The following METTL16 variants were observed in gnomAD, a reference collection of about 807,000 sequenced individuals.
METTL16 encodes RNA N(6)-adenosine-methyltransferase METTL16.
METTL16 carries 19 observed loss-of-function variants against 57.9 expected under a neutral mutation model. The ratio of observed to expected loss-of-function variants is 0.33; its 90% CI spans 0.23 to 0.48. METTL16 has a LOEUF of 0.48. Among genes scored for constraint, METTL16 ranks in the 20% least tolerant of loss-of-function variants. The probability of loss-of-function intolerance (pLI) is 0.99; values close to 1 mark genes in which losing one functional copy is unlikely to be tolerated. For missense variants in METTL16, 434 were observed against 691.5 expected, an observed-to-expected ratio of 0.63 and a Z score of 4.18; for synonymous variants, 246 against 255.6, an observed-to-expected ratio of 0.96 and a Z score of 0.36.
chr17:2,473,428 A>T, intron 4 of METTL16, 96 bp downstream of exon 4: 1 of 1,364,066 alleles, frequency 7.3e-7, no homozygotes, highest in Non-Finnish European at 9.8e-7. Context: ...TAAATTACCG[A>T]AGTCTGTGTA....
chr17:2,450,925 C>G (rs2067064112), intron 6 of METTL16, among the ~76,000 whole-genome samples: 1 of 152,016 alleles, frequency 6.6e-6, no homozygotes, highest in Non-Finnish European at 1.5e-5. Flanking sequence ...AATTTAAGAG[C>G]CTCTAAAATC....
At chr17:2,446,450 T>C (rs2066995799) in intron 6 of METTL16, among the ~76,000 whole-genome samples, 1 of 152,168 alleles carries the variant, frequency 6.6e-6, no homozygotes, top group Admixed American at 6.5e-5. Flanking sequence ...AACTAATAAG[T>C]GAGTTCAGCA....
At chr17:2,428,564 A>AAAAAAAAAAAAAAAAC (rs2066840100) in intron 8 of METTL16, among the ~76,000 whole-genome samples, 1 of 31,336 alleles carries the variant, frequency 3.2e-5, no homozygotes, top group Non-Finnish European at 5.0e-5. Flanking sequence ...AAAAAAAAAA[A>AAAAAAAAAAAAAAAAC]ATATATATAT....
chr17:2,461,861 G>C, intron 6 of METTL16, among the ~76,000 whole-genome samples: 1 of 152,108 alleles, frequency 6.6e-6, no homozygotes, highest in East Asian at 1.9e-4. Flanking sequence ...TTACAGGTGT[G>C]AGCCACCGTG....
chr17:2,511,295 A>C (rs1187240250), intron 1 of METTL16, among the ~76,000 whole-genome samples: 1 of 148,636 alleles, frequency 6.7e-6, no homozygotes, highest in African/African-American at 2.5e-5. Flanking sequence ...TTCAACTACC[A>C]CTCTCTTGAT....
intron 8 of METTL16, among the ~76,000 whole-genome samples, chr17:2,437,484 T>C (rs2066916729): frequency 6.6e-6 from 1 of 152,186 alleles, no homozygotes; most frequent in Non-Finnish European, 1.5e-5. Context: ...CCAGCGTAAT[T>C]ATATCTGCAA....
At chr17:2,444,247 C>T (rs2066976334) in intron 6 of METTL16, among the ~76,000 whole-genome samples, 2 of 151,968 alleles carry the variant, frequency 1.3e-5, no homozygotes, top group Non-Finnish European at 2.9e-5. Context: ...GCCAAGAGTT[C>T]GAGACTAGCT....
chr17:2,419,686 GGCCAGCTTGA>G lies in METTL16; in HGVS notation c.*274_*283del. On this transcript the variant is annotated 3_prime_UTR_variant, in exon 10 of 10. Transcript: ENST00000263092. Reference sequence around the variant, plus strand: ...TTGCAGAGGCAGTCCAGAGCTGAGGGGCCAGCTTGAGCCAGCTTGCAATCCCTCGGGAGTT... The same window carrying G: ...TTGCAGAGGCAGTCCAGAGCTGAGGGGCCAGCTTGCAATCCCTCGGGAGTT... 1.7e-6 allele frequency: 1 copy of G among 603,038 alleles called. No individual in the cohort carries two copies. Among genetic ancestry groups the G allele is most frequent in the Non-Finnish European group, 3.1e-6 (1 of 321,990 alleles). 37.4% of individuals were successfully genotyped at this position (603,038 alleles called of 1,614,324 possible).
At chr17:2,458,280 G>A (rs2067125148) in intron 6 of METTL16, among the ~76,000 whole-genome samples, 1 of 152,126 alleles carries the variant, frequency 6.6e-6, no homozygotes, top group Admixed American at 6.5e-5. Context: ...CTGGTGCTTT[G>A]TAGAATACAG....
intron 2 of METTL16, among the ~76,000 whole-genome samples, chr17:2,500,485 T>C (rs1321156842): frequency 6.6e-6 from 1 of 152,136 alleles, no homozygotes; most frequent in Non-Finnish European, 1.5e-5. Context: ...TTTCACCCTG[T>C]TGGTCAGGCT....
At chr17:2,471,737 G>A (rs1217565032) in intron 4 of METTL16, among the ~76,000 whole-genome samples, 3 of 152,004 alleles carry the variant, frequency 2.0e-5, no homozygotes, top group Non-Finnish European at 4.4e-5. Flanking sequence ...GCAATGAGCC[G>A]AGATTGCGCC....
At chr17:2,491,986 C>T (rs1393324464) in intron 2 of METTL16, among the ~76,000 whole-genome samples, 9 of 147,810 alleles carry the variant, frequency 6.1e-5, no homozygotes, top group African/African-American at 1.2e-4. Flanking sequence ...CCAAGGCTGA[C>T]GGATCACGAG....
intron 3 of METTL16, among the ~76,000 whole-genome samples, chr17:2,476,079 G>A (rs984247584): frequency 1.3e-5 from 2 of 152,180 alleles, no homozygotes; most frequent in Non-Finnish European, 2.9e-5. Flanking sequence ...AGGAAACAGT[G>A]ATAGATATTT....
At chr17:2,463,043 T>C (rs1032806360) in intron 6 of METTL16, among the ~76,000 whole-genome samples, 1 of 152,114 alleles carries the variant, frequency 6.6e-6, no homozygotes, top group Non-Finnish European at 1.5e-5. Context: ...TAATGACAGG[T>C]GTGTTGTCCA....
chr17:2,463,739 T>C (rs1252826588), intron 6 of METTL16, among the ~76,000 whole-genome samples: 1 of 151,790 alleles, frequency 6.6e-6, no homozygotes, highest in Non-Finnish European at 1.5e-5. Flanking sequence ...GGATTACAGG[T>C]GTGAGCCACC....
chr17:2,433,990 C>T (rs139796795), intron 8 of METTL16, among the ~76,000 whole-genome samples: 151 of 152,246 alleles, frequency 9.9e-4, no homozygotes, highest in African/African-American at 3.5e-3. Flanking sequence ...AATAGCTCCA[C>T]GTGTTTTTCT....
rs564199989 is a variant in METTL16 at position 2,429,850 on chromosome 17, G to A, written c.888+8259C>T. 1.5e-3 allele frequency among the ~76,000 whole-genome samples: 229 copies of A among 150,362 alleles called. 1 individual carries two copies. Among genetic ancestry groups the A allele is most frequent in the African/African-American group, 4.9e-3 (200 of 40,850 alleles). ...TTCTGAGGCGGAGTCTCGCTCTGTC[G>A]CCCAGGCTGGAGTGCAGTGGCACGA... On this transcript the variant is annotated intron_variant, in intron 8 of 9. Coordinates refer to ENST00000263092, the MANE Select transcript of METTL16 (RefSeq NM_024086.4).
chr17:2,442,729 A>G (rs1301234372), intron 6 of METTL16, among the ~76,000 whole-genome samples: 1 of 152,242 alleles, frequency 6.6e-6, no homozygotes, highest in African/African-American at 2.4e-5. Flanking sequence ...GAAGAGGTAT[A>G]GAACAACTTT....
chr17:2,457,206 C>T (rs1487189849), intron 6 of METTL16, among the ~76,000 whole-genome samples: 1 of 151,146 alleles, frequency 6.6e-6, no homozygotes, highest in Admixed American at 6.6e-5. Context: ...GGCGTGGTGA[C>T]GGGCGCCTGT....
Sources: allele counts gnomAD v4.1 joint callset (sites outside exome capture counted in the v4.1 genomes callset), GRCh38; gene constraint gnomAD v4.1.1; transcripts MANE v1.5; gene names NCBI Gene and HGNC (gene_info 2026-07-23, HGNC 2026-07-21).